The following TMEM232 variants were observed in gnomAD, a reference collection of about 807,000 sequenced individuals.
The protein encoded by TMEM232 is transmembrane protein 232.
A neutral mutation model predicts 78.8 loss-of-function variants in TMEM232; 80 were observed. The ratio of observed to expected loss-of-function variants is 1.01; its 90% confidence interval spans 0.85 to 1.22. TMEM232 has a LOEUF of 1.22. Ranked by LOEUF, TMEM232 falls within the 50% of genes most tolerant of loss-of-function variation. The probability of loss-of-function intolerance (pLI) is 0.00; values close to 1 mark genes in which losing one functional copy is unlikely to be tolerated. For missense variants in TMEM232, 881 were observed against 742.2 expected (o/e 1.19, Z -2.17); for synonymous variants, 297 against 254.3 (o/e 1.17, Z -1.60).
rs549323342 is a variant in TMEM232, at chr5:110,659,430, T to C, written c.125+7798A>G. Among the ~76,000 whole-genome samples, 10 of 152,238 alleles carry C rather than the reference T, an allele frequency of 6.6e-5. No homozygotes were observed. The South Asian group carries it at 2.1e-3, about 32-fold the overall frequency. ...AGAAAACTCAGGCAGTGAATTTAGT[T>C]TCAGTTGTCCCAGGCTGGTACACTT... is the stretch of plus-strand genomic sequence containing the variant. On this transcript the variant is annotated intron_variant, in intron 2 of 13. Transcript: ENST00000455884.
chr5:110,720,688 T>C (rs1300365627), intron 1 of TMEM232: 1 of 152,156 alleles, frequency 6.6e-6, no homozygotes. Flanking sequence ...TAACTTCTCA[T>C]ATAGAATACC....
At chr5:110,408,903 CAG>C (rs1755891457) in intron 2 of TMEM232, among the ~76,000 whole-genome samples, 1 of 152,134 alleles carries the variant, frequency 6.6e-6, no homozygotes, top group Non-Finnish European at 1.5e-5. Context: ...CCATGTATAG[CAG>C]AGACATGAGA....
intron 1 of TMEM232, among the ~76,000 whole-genome samples, chr5:110,711,220 T>A (rs1796437769): frequency 6.6e-6 from 1 of 152,090 alleles, no homozygotes; most frequent in Non-Finnish European, 1.5e-5. Flanking sequence ...AAGATCTCTC[T>A]AATGAAAATT....
rs902744492 is a variant in TMEM232 at position 110,614,291 on chromosome 5, G to A, written c.902+4138C>T. 6.6e-5 allele frequency among the ~76,000 whole-genome samples: 10 copies of A among 152,104 alleles called. No individual in the cohort carries two copies. In the East Asian group the frequency reaches 1.2e-3, roughly 18 times the overall value. On this transcript the variant is annotated intron_variant, in intron 8 of 13. Coordinates refer to ENST00000455884, the MANE Select transcript of TMEM232 (RefSeq NM_001039763.4). Reference sequence around the variant, plus strand: ...ATCTGCTTAACAATGCAACTAGAATGACAGTTGAATGATGCATTGGAGAGA... The same window carrying A: ...ATCTGCTTAACAATGCAACTAGAATAACAGTTGAATGATGCATTGGAGAGA...
At chr5:110,598,324 C>T (rs532699906) in intron 10 of TMEM232, among the ~76,000 whole-genome samples, 62 of 152,272 alleles carry the variant, frequency 4.1e-4, no homozygotes, top group African/African-American at 1.4e-3. Flanking sequence ...CCATCTCACA[C>T]CAGTTAGAAT....
chr5:110,633,193 A>T (rs966342257), intron 5 of TMEM232, among the ~76,000 whole-genome samples: 1 of 152,200 alleles, frequency 6.6e-6, no homozygotes, highest in African/African-American at 2.4e-5. Context: ...AAATGGTAAG[A>T]ACATTCATTA....
chr5:110,596,162 T>C (rs914765825), intron 10 of TMEM232, among the ~76,000 whole-genome samples: 1 of 151,784 alleles, frequency 6.6e-6, no homozygotes, highest in African/African-American at 2.4e-5. Flanking sequence ...ATAGACACAA[T>C]AAAAAATGAT....
At chr5:110,603,836 A>T (rs1580331001) in intron 10 of TMEM232, among the ~76,000 whole-genome samples, 1 of 152,300 alleles carries the variant, frequency 6.6e-6, no homozygotes, top group East Asian at 1.9e-4. Flanking sequence ...CCAAAAATAT[A>T]TTGAAGGCAA....
At chr5:110,620,183 G>A (rs1177278537) in intron 7 of TMEM232, among the ~76,000 whole-genome samples, 1 of 152,008 alleles carries the variant, frequency 6.6e-6, no homozygotes, top group East Asian at 1.9e-4. Flanking sequence ...TTTACACATC[G>A]TGGAGAAATA....
In TMEM232 at chr5:110,420,366, T is replaced by G. The variant is rs1337134588; in HGVS notation, c.*214A>C. The G allele has an allele frequency of 2.6e-6, 1 of 385,676 alleles. No homozygotes were observed. Among genetic ancestry groups the G allele is most frequent in the Non-Finnish European group, 4.5e-6 (1 of 220,588 alleles). The allele number at this position is 385,676 out of a possible 1,614,324, so 23.9% of individuals were successfully genotyped here. A position where few individuals can be genotyped will look rare whatever the true frequency, so the allele number is the denominator to read the frequency against. The stretch of plus-strand genomic sequence containing the variant: ...GAAATTTTTGACTAGTGAAATCACT[T>G]CATTCAAGTGTGATTAAAAGTTGGT... On this transcript the variant is annotated 3_prime_UTR_variant, in exon 14 of 14. Coordinates refer to ENST00000455884, the MANE Select transcript of TMEM232 (RefSeq NM_001039763.4).
At chr5:110,416,005 TAAC>T (rs759705754), downstream of TMEM232, among the ~76,000 whole-genome samples, 2 of 152,132 alleles carry the variant, frequency 1.3e-5, no homozygotes, top group African/African-American at 2.4e-5. Flanking sequence ...AGGAAAAAAA[TAAC>T]AAGCCAAATT....
At chr5:110,694,870 A>G (rs531035985) in intron 1 of TMEM232, among the ~76,000 whole-genome samples, 2 of 152,314 alleles carry the variant, frequency 1.3e-5, no homozygotes, top group African/African-American at 4.8e-5. Flanking sequence ...TTAACACCCC[A>G]CTGTCAACAT....
intron 12 of TMEM232, among the ~76,000 whole-genome samples, chr5:110,526,325 G>C (rs1374292968): frequency 6.6e-6 from 1 of 151,154 alleles, no homozygotes; most frequent in African/African-American, 2.4e-5. Flanking sequence ...CATAGACAGA[G>C]AGTCGCATAG....
intron 11 of TMEM232, among the ~76,000 whole-genome samples, chr5:110,546,003 T>G (rs1773733542): frequency 6.6e-6 from 1 of 152,170 alleles, no homozygotes; most frequent in African/African-American, 2.4e-5. Flanking sequence ...ACAGTTTTTT[T>G]ATTTCTTTCC....
chr5:110,710,814 T>TG (rs1277097055), intron 1 of TMEM232, among the ~76,000 whole-genome samples: 1 of 152,056 alleles, frequency 6.6e-6, no homozygotes, highest in Non-Finnish European at 1.5e-5. Context: ...TCACACTGAA[T>TG]GGGGAAAAAT....
intron 10 of TMEM232, among the ~76,000 whole-genome samples, chr5:110,604,103 C>T (rs1444193009): frequency 6.6e-6 from 1 of 152,060 alleles, no homozygotes; most frequent in African/African-American, 2.4e-5. Flanking sequence ...TGCTGGGTTA[C>T]TAGAAATATA....
intron 2 of TMEM232, among the ~76,000 whole-genome samples, chr5:110,662,575 A>T (rs900399135): frequency 1.1e-4 from 16 of 152,132 alleles, no homozygotes; most frequent in Non-Finnish European, 2.2e-4. Context: ...TATCATCTTG[A>T]CTATTACATG....
At position 110,424,780 on chromosome 5, in the gene TMEM232, G is replaced by T. The variant is rs1439218954; in HGVS notation, c.1797+43C>A. On this transcript the variant is annotated intron_variant, in intron 13 of 13. Coordinates refer to ENST00000455884, the MANE Select transcript of TMEM232 (RefSeq NM_001039763.4). ...ATTTTATCATTTAAAGTGCTTTTAA[G>T]GAACAAAGCTTTTGCTGCTAGTTAA... 8 of 1,417,950 alleles carry T rather than the reference G, an allele frequency of 5.6e-6. No homozygotes were observed. The East Asian group carries it at 2.0e-4, about 35-fold the overall frequency. The allele number at this position is 1,417,950 out of a possible 1,614,324, so 87.8% of individuals were successfully genotyped here. A position where few individuals can be genotyped will look rare whatever the true frequency, so the allele number is the denominator to read the frequency against.
chr5:110,585,574 G>A (rs1778715086), intron 10 of TMEM232, among the ~76,000 whole-genome samples: 1 of 152,034 alleles, frequency 6.6e-6, no homozygotes. Context: ...GAGTAAAAGT[G>A]GGCAGTCTTA....
Sources: allele counts gnomAD v4.1 joint callset (sites outside exome capture counted in the v4.1 genomes callset), GRCh38; gene constraint gnomAD v4.1.1; transcripts MANE v1.5; gene names NCBI Gene and HGNC (gene_info 2026-07-23, HGNC 2026-07-21).